UGT1A7: variants seen among roughly 807,000 people sequenced by gnomAD.
The protein encoded by UGT1A7 is UDP-glucuronosyltransferase 1A7.
In UGT1A7, 33 loss-of-function variants were observed where a neutral mutation model predicts 45.6. The observed-to-expected ratio is 0.72, with a 90% CI of 0.55 to 0.97. The LOEUF is 0.97. UGT1A7 is among the 50% of genes least tolerant of loss of function. The probability of loss-of-function intolerance (pLI) is 0.00; values close to 1 mark genes in which losing one functional copy is unlikely to be tolerated. For missense variants in UGT1A7, 684 were observed against 666.2 expected, an observed-to-expected ratio of 1.03 and a Z score of -0.29; for synonymous variants, 274 against 250.6, an observed-to-expected ratio of 1.09 and a Z score of -0.88.
At position 233,700,669 on chromosome 2, in the gene UGT1A7, C is replaced by A. The variant is rs542466137; in HGVS notation, c.855+17877C>A. Among the ~76,000 whole-genome samples, 10 of 152,082 alleles carry A rather than the reference C, an allele frequency of 6.6e-5. No individual in the cohort carries two copies. In the East Asian group the frequency reaches 1.9e-3, roughly 29 times the overall value. On this transcript the variant is annotated intron_variant, in intron 1 of 4. Coordinates refer to ENST00000373426, the MANE Select transcript of UGT1A7 (RefSeq NM_019077.3). ...GTTTACATATTTCTACTTTTCAGCA[C>A]AAATTCGTGATAATATATAAACTAC... is the stretch of plus-strand genomic sequence containing the variant.
At chr2:233,748,098 A>C in intron 1 of UGT1A7, 1 of 1,612,702 alleles carries the variant, frequency 6.2e-7, no homozygotes, top group Non-Finnish European at 8.5e-7. Flanking sequence ...TCGTGCCTTC[A>C]TCCAATCAAT....
chr2:233,743,704 C>A (rs773531190), intron 1 of UGT1A7: 3 of 1,367,360 alleles, frequency 2.2e-6, no homozygotes, highest in Non-Finnish European at 2.9e-6. Context: ...CCTCCGCCCC[C>A]GCCTCGCCAT....
At chr2:233,717,042 C>A (rs1248182808) in intron 1 of UGT1A7, among the ~76,000 whole-genome samples, 1 of 152,282 alleles carries the variant, frequency 6.6e-6, no homozygotes, top group South Asian at 2.1e-4. Context: ...GATACATGGG[C>A]CTCCGCAGGG....
chr2:233,683,676 C>T (rs45486299), intron 1 of UGT1A7, among the ~76,000 whole-genome samples: 4 of 152,170 alleles, frequency 2.6e-5, no homozygotes, highest in South Asian at 2.1e-4. Flanking sequence ...TCTTATTAAC[C>T]TTTATTCCTC....
At chr2:233,711,829 G>A (rs1274082767) in intron 1 of UGT1A7, among the ~76,000 whole-genome samples, 2 of 152,240 alleles carry the variant, frequency 1.3e-5, no homozygotes, top group African/African-American at 4.8e-5. Context: ...ACCAGGACAA[G>A]GAGGCGTCAG....
At chr2:233,683,507 C>A (rs183620340) in intron 1 of UGT1A7, among the ~76,000 whole-genome samples, 95 of 152,102 alleles carry the variant, frequency 6.2e-4, no homozygotes, top group African/African-American at 2.2e-3. Flanking sequence ...AGGGTATCAT[C>A]CTATGAGTAT....
chr2:233,692,830 A>T, intron 1 of UGT1A7: 1 of 1,442,932 alleles, frequency 6.9e-7, no homozygotes, highest in Non-Finnish European at 9.1e-7. Flanking sequence ...CCATGTGATT[A>T]AAATGGTTAA....
At chr2:233,682,936 T>C in intron 1 of UGT1A7, 144 bp downstream of exon 1, 1 of 1,440,140 alleles carries the variant, frequency 6.9e-7, no homozygotes, top group Non-Finnish European at 9.2e-7. Context: ...CCAATTCACT[T>C]AATTGTTGGG....
Position 233,768,249 on chromosome 2 carries a change from C to G in UGT1A7, c.1105C>G (p.His369Asp). 6.2e-7 allele frequency: 1 copy of G among 1,614,198 alleles called. No homozygotes were observed. Among genetic ancestry groups the G allele is most frequent in the East Asian group, 2.2e-5 (1 of 44,878 alleles). The change falls in exon 4 of 5, where the codon CAT becomes GAT. Residue 369 changes from histidine to aspartate, a missense_variant. Transcript: ENST00000373426. ...CCCGATGACCCGTGCCTTTATCACCCATGCTGGTTCCCATGGTGTTTATGA... is the reference window on the plus strand; with the variant it reads ...CCCGATGACCCGTGCCTTTATCACCGATGCTGGTTCCCATGGTGTTTATGA... ...GHPMTRAFITHAGSHGVYESI... is the reference protein window; with the variant it reads ...GHPMTRAFITDAGSHGVYESI...
chr2:233,763,738 G>A (rs1302450820), intron 1 of UGT1A7, among the ~76,000 whole-genome samples: 6 of 152,164 alleles, frequency 3.9e-5, no homozygotes, highest in Non-Finnish European at 8.8e-5. Flanking sequence ...TGGCATTGGC[G>A]TGTCTTTGGT....
At chr2:233,765,091 C>T (rs1473276364) in intron 1 of UGT1A7, among the ~76,000 whole-genome samples, 1 of 152,110 alleles carries the variant, frequency 6.6e-6, no homozygotes, top group Non-Finnish European at 1.5e-5. Context: ...TCTAGGGTGA[C>T]CAGCATCCTG....
At chr2:233,696,543 T>G (rs1300972525) in intron 1 of UGT1A7, among the ~76,000 whole-genome samples, 2 of 152,234 alleles carry the variant, frequency 1.3e-5, no homozygotes, top group African/African-American at 4.8e-5. Context: ...TAAATTTTTC[T>G]GAATATATTA....
chr2:233,747,699 A>G lies in UGT1A7; in HGVS notation c.856-19335A>G. 2.5e-6 allele frequency: 4 copies of G among 1,611,746 alleles called. No individual in the cohort carries two copies. In the South Asian group the frequency reaches 3.3e-5, roughly 13 times the overall value. On this transcript the variant is annotated intron_variant, in intron 1 of 4. Coordinates refer to ENST00000373426, the MANE Select transcript of UGT1A7 (RefSeq NM_019077.3). ...TTACCTCTGTGGGGCAGTGCTGGCT[A>G]AGTACCTATCAATTCCTGCTGTGTT...
intron 1 of UGT1A7, among the ~76,000 whole-genome samples, chr2:233,715,728 C>T (rs17862871): frequency 0.1 from 15,454 of 152,176 alleles, 903 homozygotes; most frequent in East Asian, 0.2. Flanking sequence ...GCCATGTTCA[C>T]GCCACCTCAC....
At position 233,744,231 on chromosome 2, in the gene UGT1A7, C is replaced by A. The variant is rs577435617; in HGVS notation, c.856-22803C>A. Among the ~76,000 whole-genome samples the A allele has an allele frequency of 9.7e-4, 148 of 151,936 alleles. 3 individuals carry two copies. The highest frequency in any genetic ancestry group is 3.5e-3 in the African/African-American group (144 of 41,218). ...AAAGAGGTTGGGGAAAAGAGAGGGC[C>A]TTGACTTTGGCTGCCTGAAGAACTG... On this transcript the variant is annotated intron_variant, in intron 1 of 4. Transcript: ENST00000373426.
At chr2:233,740,090 C>T (rs1463854417) in intron 1 of UGT1A7, among the ~76,000 whole-genome samples, 1 of 151,842 alleles carries the variant, frequency 6.6e-6, no homozygotes, top group Non-Finnish European at 1.5e-5. Context: ...CGCCTGCTGC[C>T]ATGTGAGACA....
rs115421913 is a variant in UGT1A7, at chr2:233,687,928, T to C, written c.855+5136T>C. On this transcript the variant is annotated intron_variant, in intron 1 of 4. Transcript: ENST00000373426. ...GTCTCAAAATAAATAAATCAATAAA[T>C]ACATGAATAAATAAAATTTAAAAAT... Among the ~76,000 whole-genome samples, 670 of 152,294 alleles carry C rather than the reference T, an allele frequency of 4.4e-3. 8 individuals are homozygous for C. Among genetic ancestry groups the C allele is most frequent in the African/African-American group, 0.015 (635 of 41,574 alleles).
At chr2:233,718,190 C>T (rs2076637077) in intron 1 of UGT1A7, among the ~76,000 whole-genome samples, 1 of 152,170 alleles carries the variant, frequency 6.6e-6, no homozygotes, top group African/African-American at 2.4e-5. Context: ...GCTCAGCCTC[C>T]CCGGAGCTTT....
intron 1 of UGT1A7, chr2:233,713,295 G>C: frequency 6.2e-7 from 1 of 1,614,228 alleles, no homozygotes; most frequent in Non-Finnish European, 8.5e-7. Context: ...ATCGTTCTTT[G>C]AAACAGAACA....
Sources: allele counts gnomAD v4.1 joint callset (sites outside exome capture counted in the v4.1 genomes callset), GRCh38; gene constraint gnomAD v4.1.1; transcripts MANE v1.5; gene names NCBI Gene and HGNC (gene_info 2026-07-23, HGNC 2026-07-21).